TGFB1: variants seen among roughly 807,000 people sequenced by gnomAD.
TGFB1 encodes the protein transforming growth factor beta-1 proprotein.
A neutral mutation model predicts 43.8 loss-of-function variants in TGFB1; 19 were observed. That is an observed-to-expected ratio of 0.43 (90% confidence interval 0.30 to 0.64). TGFB1 has a LOEUF of 0.64. Among genes scored for constraint, TGFB1 ranks in the 30% least tolerant of loss-of-function variants. The pLI is 0.11. For missense variants in TGFB1, 445 were observed against 529.8 expected, an observed-to-expected ratio of 0.84 and a Z score of 1.57; for synonymous variants, 221 against 236.3, an observed-to-expected ratio of 0.94 and a Z score of 0.60.
chr19:41,345,023 A>G (rs1447086081), intron 2 of TGFB1, among the ~76,000 whole-genome samples, 159 bp from the exon 3 acceptor site: 2 of 152,080 alleles, frequency 1.3e-5, no homozygotes, highest in Admixed American at 6.6e-5. Context: ...GTCCTGTGGC[A>G]CCCATCCTCC....
Position 41,353,135 on chromosome 19 carries a change from CG to C in TGFB1, c.-92del. 7.1e-7 allele frequency: 1 copy of C among 1,406,032 alleles called. No individual in the cohort carries two copies. Among genetic ancestry groups the C allele is most frequent in the East Asian group, 2.7e-5 (1 of 37,046 alleles). The allele number at this position is 1,406,032 out of a possible 1,614,324, so 87.1% of individuals were successfully genotyped here. On this transcript the variant is annotated 5_prime_UTR_variant, in exon 1 of 7. Coordinates refer to ENST00000221930, the MANE Select transcript of TGFB1 (RefSeq NM_000660.7). This position sits in a 1 kb window ranked among gnomAD's most constrained non-coding sequence, Gnocchi z 5.9. The stretch of plus-strand genomic sequence containing the variant: ...GCCCCTGCAGGGGCTGGGGGTCTCC[CG>C]GCAAAAGGTAGGAGGGCCTCGAGGG...
intron 5 of TGFB1, among the ~76,000 whole-genome samples, chr19:41,335,887 G>A (rs187449949): frequency 0.031 from 27 of 878 alleles, no homozygotes; most frequent in Admixed American, 0.14. Flanking sequence ...GATCTACTTA[G>A]GGCCCCAGGG....
chr19:41,347,774 G>A (rs1181478208), intron 2 of TGFB1, among the ~76,000 whole-genome samples: 1 of 143,562 alleles, frequency 7.0e-6, no homozygotes, highest in Non-Finnish European at 1.5e-5. Flanking sequence ...GTTGCAGTGA[G>A]CCGAGATCAC....
At chr19:41,337,283 AG>A (rs1180942438) in intron 5 of TGFB1, among the ~76,000 whole-genome samples, 1 of 152,018 alleles carries the variant, frequency 6.6e-6, no homozygotes, top group African/African-American at 2.4e-5. Context: ...CTGGGATTAC[AG>A]GGCCCGCCAC....
At chr19:41,342,111 T>A in intron 4 of TGFB1, 59 bp downstream of exon 4, 1 of 1,612,612 alleles carries the variant, frequency 6.2e-7, no homozygotes, top group Non-Finnish European at 8.5e-7. Flanking sequence ...GTGGGGCAGA[T>A]GGGAACACAC....
Position 41,342,049 on chromosome 19 carries a change from CAG to C in TGFB1, c.713-21_713-20del, listed in dbSNP as rs772594713. Reference sequence around the variant, plus strand: ...GTGAACCCTGCTTTGGTGTGGGAGTCAGGGGATAGGGGACATACACACACACT... The same window carrying C: ...GTGAACCCTGCTTTGGTGTGGGAGTCGGGATAGGGGACATACACACACACT... On this transcript the variant is annotated intron_variant, in intron 4 of 6. Transcript: ENST00000221930. The C allele has an allele frequency of 1.1e-5, 17 of 1,614,018 alleles. No homozygotes were observed. The highest frequency in any genetic ancestry group is 4.0e-5 in the African/African-American group (3 of 74,918).
rs1406326686 is a variant in TGFB1, at chr19:41,353,019, AGCAGCC to A, written c.20_25del (p.Arg7_Leu8del). On this transcript the variant is annotated inframe_deletion, in exon 1 of 7. Transcript: ENST00000221930. This position sits in a 1 kb window ranked among gnomAD's most constrained non-coding sequence, Gnocchi z 5.9. ...CCACAGCAGCGGTAGCAGCAGCGGCAGCAGCCGCAGCCCGGAGGGCGGCATGGGGGA... is the reference window on the plus strand; with the variant it reads ...CCACAGCAGCGGTAGCAGCAGCGGCAGCAGCCCGGAGGGCGGCATGGGGGA... 6.5e-7 allele frequency: 1 copy of A among 1,531,290 alleles called. No homozygotes were observed. Among genetic ancestry groups the A allele is most frequent in the East Asian group, 2.5e-5 (1 of 40,502 alleles). The allele number at this position is 1,531,290 out of a possible 1,614,324, so 94.9% of individuals were successfully genotyped here.
chr19:41,352,252 G>T (rs904646694), intron 1 of TGFB1, among the ~76,000 whole-genome samples: 1 of 151,788 alleles, frequency 6.6e-6, no homozygotes, highest in Non-Finnish European at 1.5e-5. Flanking sequence ...CAAGCTCTGG[G>T]TCAACTTTCT....
chr19:41,332,298 C>A lies in TGFB1; in HGVS notation c.861-17G>T, dbSNP rs200839435. The A allele has an allele frequency of 6.2e-7, 1 of 1,611,416 alleles. No homozygotes were observed. Among genetic ancestry groups the A allele is most frequent in the African/African-American group, 1.3e-5 (1 of 74,876 alleles). The stretch of plus-strand genomic sequence containing the variant: ...TCCGTGGAGCTGCAGGCAGGAGAGA[C>A]GCGTCAGGGGCAGGGAGGGGCTACC... On this transcript the variant is annotated splice_polypyrimidine_tract_variant and intron_variant, in intron 5 of 6. Coordinates refer to ENST00000221930, the MANE Select transcript of TGFB1 (RefSeq NM_000660.7).
chr19:41,350,391 G>T (rs1282228332), intron 1 of TGFB1, among the ~76,000 whole-genome samples: 3 of 144,188 alleles, frequency 2.1e-5, no homozygotes, highest in Non-Finnish European at 4.5e-5. Context: ...AGCAACCTCT[G>T]CCTCCCAGGT....
intron 6 of TGFB1, among the ~76,000 whole-genome samples, chr19:41,331,566 C>CTTTTTT (rs3061187): frequency 2.6e-5 from 2 of 77,442 alleles, no homozygotes; most frequent in Non-Finnish European, 2.4e-5. Context: ...CCACTCCTAG[C>CTTTTTT]TTTTTTTTTT....
intron 3 of TGFB1, among the ~76,000 whole-genome samples, chr19:41,344,155 G>A (rs115022623): frequency 6.6e-6 from 1 of 150,810 alleles, no homozygotes; most frequent in Non-Finnish European, 1.5e-5. Flanking sequence ...GCTAATTTTT[G>A]TATTTTTGTG....
intron 5 of TGFB1, among the ~76,000 whole-genome samples, chr19:41,335,219 A>T (rs911281947): frequency 6.6e-6 from 1 of 151,754 alleles, no homozygotes; most frequent in Non-Finnish European, 1.5e-5. Context: ...TGCCTGGCTA[A>T]TTTTTTGTAT....
intron 2 of TGFB1, among the ~76,000 whole-genome samples, chr19:41,347,697 A>G (rs2038130753): frequency 6.6e-6 from 1 of 151,916 alleles, no homozygotes; most frequent in African/African-American, 2.4e-5. Flanking sequence ...GCGTGTTGGC[A>G]CATGCCTGTA....
intron 5 of TGFB1, 139 bp from the exon 6 acceptor site, chr19:41,332,420 G>A (rs1282967233): frequency 6.6e-6 from 6 of 905,694 alleles, no homozygotes; most frequent in Middle Eastern, 3.4e-4. Flanking sequence ...TGCACCCACT[G>A]TGTTAATAAC....
chr19:41,352,541 C>G, intron 1 of TGFB1, 149 bp downstream of exon 1: 1 of 973,630 alleles, frequency 1.0e-6, no homozygotes, highest in Non-Finnish European at 1.6e-6. Context: ...TTTCGGACAC[C>G]CCCCTCCCAC....
Position 41,352,773 on chromosome 19 carries a change from T to TC in TGFB1, c.271dup (p.Glu91GlyfsTer10). ...AGGCTCGGGCTCCGGTTCTGCACTCTCCCCGGCCACCCGGTCGCGGGTGCT... is the reference window on the plus strand; with the variant it reads ...AGGCTCGGGCTCCGGTTCTGCACTCTCCCCCGGCCACCCGGTCGCGGGTGCT... On this transcript the variant is annotated frameshift_variant, in exon 1 of 7. Transcript: ENST00000221930. LOFTEE classifies it high-confidence loss of function. The TC allele has an allele frequency of 6.2e-7, 1 of 1,611,064 alleles. No individual in the cohort carries two copies. Among genetic ancestry groups the TC allele is most frequent in the Non-Finnish European group, 8.5e-7 (1 of 1,178,314 alleles).
intron 1 of TGFB1, among the ~76,000 whole-genome samples, chr19:41,352,342 GAC>G (rs772108231): frequency 4.8e-4 from 25 of 51,722 alleles, no homozygotes; most frequent in African/African-American, 1.2e-3. Context: ...GGCACCCCAC[GAC>G]CCCCCCCCCC....
intron 1 of TGFB1, among the ~76,000 whole-genome samples, chr19:41,350,381 A>G (rs1310399087): frequency 2.8e-5 from 4 of 142,984 alleles, no homozygotes; most frequent in Non-Finnish European, 6.0e-5. Context: ...CTTGGCTCAT[A>G]GCAACCTCTG....
Sources: allele counts gnomAD v4.1 joint callset (sites outside exome capture counted in the v4.1 genomes callset), GRCh38; gene constraint gnomAD v4.1.1; non-coding constraint Gnocchi (gnomAD v3.1); transcripts MANE v1.5; gene names NCBI Gene and HGNC (gene_info 2026-07-23, HGNC 2026-07-21).